The following MCPH1 variants were observed in gnomAD, a reference collection of about 807,000 sequenced individuals.
MCPH1 encodes microcephalin.
In MCPH1, 104 loss-of-function variants were observed where a neutral mutation model predicts 84.5. The ratio of observed to expected loss-of-function variants is 1.23; its 90% CI spans 1.05 to 1.45. The LOEUF (loss-of-function observed/expected upper bound fraction) is 1.45, where lower values mean the gene tolerates loss of function less well. Ranked by LOEUF, MCPH1 falls within the 40% of genes most tolerant of loss-of-function variation. The pLI, the probability that MCPH1 is intolerant of heterozygous loss-of-function variation, is 0.00. For missense variants in MCPH1, 1,498 were observed against 1,005.7 expected (o/e 1.49, Z -6.62); for synonymous variants, 514 against 366.8 (o/e 1.40, Z -4.58).
chr8:6,510,451 T>C (rs936304604), intron 12 of MCPH1, among the ~76,000 whole-genome samples: 2 of 152,220 alleles, frequency 1.3e-5, no homozygotes, highest in African/African-American at 4.8e-5. Context: ...AATAATATAA[T>C]TTCTAACAGT....
chr8:6,531,056 T>A (rs1206218986), intron 12 of MCPH1, among the ~76,000 whole-genome samples: 1 of 152,204 alleles, frequency 6.6e-6, no homozygotes, highest in East Asian at 1.9e-4. Context: ...TTCAGAAGCA[T>A]GTAAAGAAGC....
At position 6,554,611 on chromosome 8, in the gene MCPH1, T is replaced by C. The variant is rs556759985; in HGVS notation, c.2214+54682T>C. On this transcript the variant is annotated intron_variant, in intron 12 of 13. Coordinates refer to ENST00000344683, the MANE Select transcript of MCPH1 (RefSeq NM_024596.5). ...GTTTTTAAAATAGTAAAATATTAAA[T>C]ATCAACTATGAATATTTTGTGGTGG... Among the ~76,000 whole-genome samples, 3 of 152,328 alleles carry C rather than the reference T, an allele frequency of 2.0e-5. No individual in the cohort carries two copies. In the South Asian group the frequency reaches 6.2e-4, roughly 32 times the overall value.
chr8:6,446,644 CA>C, intron 8 of MCPH1: 1 of 981,634 alleles, frequency 1.0e-6, no homozygotes, highest in Non-Finnish European at 1.2e-6. Flanking sequence ...TAATATAAAA[CA>C]ATAGATGTGT....
chr8:6,480,408 C>T lies in MCPH1; in HGVS notation c.1974-306C>T, dbSNP rs143254256. Reference sequence around the variant, plus strand: ...TGCCGGGATTACAGGTGTGAGCCACCGCGCCCAGCCAGGGGCCTGGTTTCT... The same window carrying T: ...TGCCGGGATTACAGGTGTGAGCCACTGCGCCCAGCCAGGGGCCTGGTTTCT... On this transcript the variant is annotated intron_variant, in intron 10 of 13. Coordinates refer to ENST00000344683, the MANE Select transcript of MCPH1 (RefSeq NM_024596.5). 3.6e-3 allele frequency among the ~76,000 whole-genome samples: 549 copies of T among 152,030 alleles called. 1 individual carries two copies. The highest frequency in any genetic ancestry group is 0.013 in the African/African-American group (521 of 41,492).
At chr8:6,476,627 C>G (rs776685746) in intron 9 of MCPH1, among the ~76,000 whole-genome samples, 1 of 152,126 alleles carries the variant, frequency 6.6e-6, no homozygotes, top group Non-Finnish European at 1.5e-5. Context: ...GAGACAAGAT[C>G]TCTATAAACC....
intron 11 of MCPH1, among the ~76,000 whole-genome samples, chr8:6,484,670 G>A (rs1809642321): frequency 1.3e-5 from 2 of 152,258 alleles, no homozygotes; most frequent in Admixed American, 1.3e-4. Context: ...CAACCATACT[G>A]TGGAGTGTCA....
At chr8:6,632,665 C>T (rs1002063922) in intron 13 of MCPH1, among the ~76,000 whole-genome samples, 25 of 152,048 alleles carry the variant, frequency 1.6e-4, no homozygotes, top group East Asian at 7.8e-4. Context: ...AAAAATTAGC[C>T]GGCCGTGGTG....
chr8:6,425,918 T>C (rs1226734909), intron 3 of MCPH1, among the ~76,000 whole-genome samples: 1 of 152,188 alleles, frequency 6.6e-6, no homozygotes, highest in Non-Finnish European at 1.5e-5. Flanking sequence ...ACGTCTTTCG[T>C]CCAGATGCAT....
At chr8:6,613,137 G>T (rs1003082205) in intron 12 of MCPH1, among the ~76,000 whole-genome samples, 12 of 152,190 alleles carry the variant, frequency 7.9e-5, no homozygotes, top group Admixed American at 2.0e-4. Flanking sequence ...TGCAGCAGGT[G>T]CCGGGTGCCG....
chr8:6,473,833 C>G lies in MCPH1; in HGVS notation c.1936-3761C>G, dbSNP rs1056777517. ...GCAAGAGTGATTGTAAAGTAGCTAG[C>G]CTTATAAGTCAAGAGTTATAATCTT... On this transcript the variant is annotated intron_variant, in intron 9 of 13. Coordinates refer to ENST00000344683, the MANE Select transcript of MCPH1 (RefSeq NM_024596.5). 6.6e-6 allele frequency: 9 copies of G among 1,368,570 alleles called. No individual in the cohort carries two copies. The African/African-American group carries it at 1.0e-4, about 16-fold the overall frequency. 84.8% of individuals were successfully genotyped at this position (1,368,570 alleles called of 1,614,324 possible). A position where few individuals can be genotyped will look rare whatever the true frequency, so the allele number is the denominator to read the frequency against.
intron 11 of MCPH1, among the ~76,000 whole-genome samples, chr8:6,490,216 T>G (rs1810408221): frequency 6.6e-6 from 1 of 152,246 alleles, no homozygotes; most frequent in Non-Finnish European, 1.5e-5. Flanking sequence ...CTTTCACTTT[T>G]GTTTCTGACA....
chr8:6,640,025 C>T (rs189587522), intron 13 of MCPH1, among the ~76,000 whole-genome samples: 9 of 150,558 alleles, frequency 6.0e-5, no homozygotes, highest in East Asian at 3.9e-4. Context: ...AGGCATGAAC[C>T]CTGCAATACG....
chr8:6,439,582 A>G (rs1266731455), intron 6 of MCPH1, among the ~76,000 whole-genome samples: 2 of 151,038 alleles, frequency 1.3e-5, no homozygotes, highest in East Asian at 3.9e-4. Context: ...TTTTTAGTAG[A>G]GACGGGGTTT....
intron 11 of MCPH1, 167 bp from the exon 12 acceptor site, chr8:6,499,685 C>A: frequency 1.6e-6 from 1 of 620,438 alleles, no homozygotes; most frequent in South Asian, 1.9e-5. Flanking sequence ...ATATTCATAA[C>A]ATTTATGCAA....
intron 11 of MCPH1, among the ~76,000 whole-genome samples, chr8:6,483,263 T>C (rs1334026189): frequency 6.6e-6 from 1 of 152,244 alleles, no homozygotes; most frequent in Non-Finnish European, 1.5e-5. Context: ...AAATGATGTA[T>C]AGATTTAACA....
At chr8:6,526,932 T>A (rs1344626343) in intron 12 of MCPH1, among the ~76,000 whole-genome samples, 4 of 152,198 alleles carry the variant, frequency 2.6e-5, no homozygotes, top group Non-Finnish European at 5.9e-5. Flanking sequence ...ATTTAAATAT[T>A]AATATAATCA....
At chr8:6,636,201 G>A (rs946294164) in intron 13 of MCPH1, among the ~76,000 whole-genome samples, 16 of 152,096 alleles carry the variant, frequency 1.1e-4, no homozygotes, top group African/African-American at 3.4e-4. Flanking sequence ...TTAGCCGGGC[G>A]TGATGGCACA....
At chr8:6,499,705 T>C (rs945742655) in intron 11 of MCPH1, 147 bp from the exon 12 acceptor site, 6 of 688,924 alleles carry the variant, frequency 8.7e-6, no homozygotes, top group Non-Finnish European at 1.6e-5. Context: ...ACATGAAGAT[T>C]CTGAAGGGAC....
At chr8:6,479,457 CAG>C (rs1586015970) in intron 10 of MCPH1, among the ~76,000 whole-genome samples, 1 of 146,622 alleles carries the variant, frequency 6.8e-6, no homozygotes, top group South Asian at 2.2e-4. Context: ...TATTTTGAGA[CAG>C]AGTCTCCCTC....
Sources: allele counts gnomAD v4.1 joint callset (sites outside exome capture counted in the v4.1 genomes callset), GRCh38; gene constraint gnomAD v4.1.1; transcripts MANE v1.5; gene names NCBI Gene and HGNC (gene_info 2026-07-23, HGNC 2026-07-21).